The following GRIK2 variants were observed in gnomAD, a reference collection of about 807,000 sequenced individuals.
GRIK2 encodes glutamate receptor ionotropic, kainate 2.
In GRIK2, 32 loss-of-function variants were observed where a neutral mutation model predicts 100.3. The observed-to-expected ratio is 0.32, with a 90% confidence interval of 0.24 to 0.43. The LOEUF (loss-of-function observed/expected upper bound fraction) is 0.43, where lower values mean the gene tolerates loss of function less well. Ranked by LOEUF, GRIK2 falls within the 20% of genes least tolerant of loss-of-function variation. The pLI, the probability that GRIK2 is intolerant of heterozygous loss-of-function variation, is 1.00. For synonymous variants in GRIK2, 417 were observed against 389.4 expected, an observed-to-expected ratio of 1.07 and a Z score of -0.83; for missense variants, 843 against 1,114.9, an observed-to-expected ratio of 0.76 and a Z score of 3.47.
chr6:101,423,868 C>T (rs1254449434), intron 2 of GRIK2, among the ~76,000 whole-genome samples: 1 of 152,106 alleles, frequency 6.6e-6, no homozygotes, highest in Non-Finnish European at 1.5e-5. Flanking sequence ...TAGCTGCACT[C>T]TCATGTTCAT....
intron 2 of GRIK2, among the ~76,000 whole-genome samples, chr6:101,422,786 A>G (rs1347231643): frequency 1.3e-5 from 2 of 152,180 alleles, no homozygotes; most frequent in Non-Finnish European, 2.9e-5. Context: ...AGTATCATAC[A>G]TATATTTCCC....
chr6:101,445,115 T>C (rs1770302457), intron 2 of GRIK2, among the ~76,000 whole-genome samples: 1 of 152,102 alleles, frequency 6.6e-6, no homozygotes, highest in Non-Finnish European at 1.5e-5. Context: ...AGAATACTCC[T>C]TGATCTGCAC....
chr6:101,764,554 A>G (rs553640052), intron 7 of GRIK2, among the ~76,000 whole-genome samples: 10 of 152,222 alleles, frequency 6.6e-5, no homozygotes, highest in Admixed American at 6.5e-4. Flanking sequence ...TATCTGCATT[A>G]CTTTTTATCT....
At position 101,477,454 on chromosome 6, in the gene GRIK2, T is replaced by C. The variant is rs912813442; in HGVS notation, c.115+78062T>C. On this transcript the variant is annotated intron_variant, in intron 2 of 16. Transcript: ENST00000369134. ...AAATTATGTTTCTTATCCATTTTGA[T>C]CTCCCTTCCTCTGTAGCTGTTCTTT... 2.6e-5 allele frequency among the ~76,000 whole-genome samples: 4 copies of C among 152,304 alleles called. 1 individual carries two copies. In the South Asian group the frequency reaches 8.3e-4, roughly 32 times the overall value.
intron 15 of GRIK2, among the ~76,000 whole-genome samples, chr6:102,051,432 T>A (rs568894123): frequency 4.6e-5 from 7 of 152,204 alleles, no homozygotes; most frequent in Admixed American, 3.9e-4. Flanking sequence ...GTTTAAATTA[T>A]CAAAGAAAGT....
intron 14 of GRIK2, among the ~76,000 whole-genome samples, chr6:101,971,667 T>G (rs1176481020): frequency 6.6e-6 from 1 of 151,996 alleles, no homozygotes; most frequent in African/African-American, 2.4e-5. Context: ...TAATTGTAAC[T>G]GAAGTTTGGG....
chr6:101,787,805 T>A (rs1583149044), intron 7 of GRIK2, among the ~76,000 whole-genome samples: 1 of 152,314 alleles, frequency 6.6e-6, no homozygotes, highest in East Asian at 1.9e-4. Flanking sequence ...TCTGTAAATG[T>A]CTGTTAAGTC....
chr6:101,902,209 C>A (rs1787895657), intron 12 of GRIK2, among the ~76,000 whole-genome samples: 1 of 151,836 alleles, frequency 6.6e-6, no homozygotes, highest in Non-Finnish European at 1.5e-5. Context: ...AAAAGAGATG[C>A]AAAATTAGTT....
At chr6:101,484,546 C>CAA (rs1335370444) in intron 2 of GRIK2, among the ~76,000 whole-genome samples, 3 of 151,208 alleles carry the variant, frequency 2.0e-5, no homozygotes, top group Non-Finnish European at 4.4e-5. Flanking sequence ...ACTACACACA[C>CAA]ACACACACAC....
rs564380590 is a variant in GRIK2, at chr6:101,988,260, T to G, written c.2086-47081T>G. Among the ~76,000 whole-genome samples, 13 of 151,922 alleles carry G rather than the reference T, an allele frequency of 8.6e-5. No homozygotes were observed. In the East Asian group the frequency reaches 1.4e-3, roughly 16 times the overall value. The stretch of plus-strand genomic sequence containing the variant: ...TAATCATTATGTCTTATACATTTCC[T>G]CACACCATTATGATTTTGGGGGACT... On this transcript the variant is annotated intron_variant, in intron 14 of 16. Transcript: ENST00000369134.
chr6:101,617,381 C>T (rs1433565244), intron 2 of GRIK2, among the ~76,000 whole-genome samples: 1 of 151,790 alleles, frequency 6.6e-6, no homozygotes, highest in African/African-American at 2.4e-5. Flanking sequence ...GCTTCTTTCA[C>T]TCAATCATTT....
chr6:101,873,706 C>T (rs1785594420), intron 11 of GRIK2, among the ~76,000 whole-genome samples: 1 of 151,860 alleles, frequency 6.6e-6, no homozygotes, highest in Non-Finnish European at 1.5e-5. Flanking sequence ...GTTTACAGTC[C>T]CACCAACAGT....
At chr6:101,432,214 A>T (rs1482663931) in intron 2 of GRIK2, among the ~76,000 whole-genome samples, 1 of 151,912 alleles carries the variant, frequency 6.6e-6, no homozygotes, top group African/African-American at 2.4e-5. Flanking sequence ...TCCATATTTT[A>T]TATTTTATAT....
rs983676540 is a variant in GRIK2, at chr6:101,734,990, G to T, written c.951+48637G>T. ...GTGAGAGATTGATTTGATATGAGGA[G>T]AGAATAAAAGGGAGGGATCAATAAT... On this transcript the variant is annotated intron_variant, in intron 7 of 16. Transcript: ENST00000369134. Among the ~76,000 whole-genome samples, 4 of 152,056 alleles carry T rather than the reference G, an allele frequency of 2.6e-5. 1 individual carries two copies. The highest frequency in any genetic ancestry group is 5.9e-5 in the Non-Finnish European group (4 of 68,024).
At chr6:101,430,135 A>G (rs942670088) in intron 2 of GRIK2, among the ~76,000 whole-genome samples, 3 of 152,108 alleles carry the variant, frequency 2.0e-5, no homozygotes, top group African/African-American at 7.2e-5. Context: ...TTCTTCCACA[A>G]TCATGTTCTC....
At chr6:101,642,903 T>C (rs1475474214) in intron 4 of GRIK2, among the ~76,000 whole-genome samples, 1 of 151,624 alleles carries the variant, frequency 6.6e-6, no homozygotes, top group Admixed American at 6.6e-5. Flanking sequence ...ATATATATAT[T>C]TTAATTGTAC....
intron 14 of GRIK2, among the ~76,000 whole-genome samples, chr6:102,015,724 T>C (rs1273842009): frequency 6.6e-6 from 1 of 152,204 alleles, no homozygotes; most frequent in Admixed American, 6.5e-5. Context: ...CCCTGCAAAG[T>C]GCTTTGGCTG....
intron 2 of GRIK2, among the ~76,000 whole-genome samples, chr6:101,580,612 T>G (rs142825720): frequency 6.6e-6 from 1 of 152,238 alleles, no homozygotes; most frequent in East Asian, 1.9e-4. Flanking sequence ...ATAGCATTCT[T>G]CTGGAAAAAG....
intron 7 of GRIK2, among the ~76,000 whole-genome samples, chr6:101,760,497 TATTTAA>T: frequency 1.8e-5 from 1 of 54,148 alleles, no homozygotes; most frequent in Non-Finnish European, 3.0e-5. Context: ...TAATTAATTA[TATTTAA>T]TTATATATTT....
Sources: allele counts gnomAD v4.1 joint callset (sites outside exome capture counted in the v4.1 genomes callset), GRCh38; gene constraint gnomAD v4.1.1; transcripts MANE v1.5; gene names NCBI Gene and HGNC (gene_info 2026-07-23, HGNC 2026-07-21).